The following FXR1 variants were observed in gnomAD, a reference collection of about 807,000 sequenced individuals.
FXR1 encodes RNA-binding protein FXR1.
Under a neutral mutation model 84.0 loss-of-function variants are expected in FXR1, and 15 were observed. The observed-to-expected ratio is 0.18, with a 90% CI of 0.12 to 0.27. FXR1 has a LOEUF of 0.27. Among genes scored for constraint, FXR1 ranks in the 10% least tolerant of loss-of-function variants. FXR1 has a pLI of 1.00. For synonymous variants in FXR1, 245 were observed against 250.7 expected, an observed-to-expected ratio of 0.98 and a Z score of 0.21; for missense variants, 480 against 774.4, an observed-to-expected ratio of 0.62 and a Z score of 4.51.
intron 1 of FXR1, among the ~76,000 whole-genome samples, chr3:180,925,217 C>T (rs1051387933): frequency 3.3e-5 from 5 of 151,854 alleles, no homozygotes; most frequent in African/African-American, 7.3e-5. Flanking sequence ...AAAAGTTAGC[C>T]GGGCATGGTG....
chr3:180,957,050 A>G (rs1722810538), intron 9 of FXR1, among the ~76,000 whole-genome samples: 2 of 152,212 alleles, frequency 1.3e-5, no homozygotes, highest in African/African-American at 4.8e-5. Flanking sequence ...GTTAATAGGT[A>G]CACAACTCAG....
intron 1 of FXR1, chr3:180,914,742 C>T (rs1413950019): frequency 2.9e-5 from 25 of 876,056 alleles, no homozygotes; most frequent in Admixed American, 6.2e-5. Flanking sequence ...CTGCTTGTTT[C>T]TACTTAGACT....
intron 3 of FXR1, among the ~76,000 whole-genome samples, chr3:180,940,594 T>TTTTTTTTTTTTTTTTG (rs1175051981): frequency 6.6e-6 from 1 of 151,974 alleles, no homozygotes. Context: ...TCTTTTTTTT[T>TTTTTTTTTTTTTTTTG]TGGAGATGGA....
Position 180,937,938 on chromosome 3 carries a change from A to G in FXR1, c.198+2707A>G, listed in dbSNP as rs767681311. Among the ~76,000 whole-genome samples, 26 of 152,104 alleles carry G rather than the reference A, an allele frequency of 1.7e-4. 1 individual carries two copies. Among genetic ancestry groups the G allele is most frequent in the Admixed American group, 1.3e-4 (2 of 15,252 alleles). ...ATTTACCAGAGTTGATTCTCTTGTA[A>G]GTTTTTTATTTGCATGTATAAAGGA... On this transcript the variant is annotated intron_variant, in intron 3 of 16. Coordinates refer to ENST00000357559, the MANE Select transcript of FXR1 (RefSeq NM_005087.4).
At chr3:180,925,524 C>T (rs1300055400) in intron 1 of FXR1, among the ~76,000 whole-genome samples, 16 of 152,146 alleles carry the variant, frequency 1.1e-4, no homozygotes, top group African/African-American at 3.6e-4. Context: ...AGTGGTTCTT[C>T]GTTGGTTTGC....
intron 11 of FXR1, among the ~76,000 whole-genome samples, chr3:180,962,044 T>C (rs1712188461): frequency 1.3e-5 from 2 of 152,222 alleles, no homozygotes; most frequent in African/African-American, 4.8e-5. Flanking sequence ...GTTAACAAAA[T>C]AGTCTATTTG....
intron 13 of FXR1, 42 bp from the exon 14 acceptor site, chr3:180,968,009 T>C (rs201520958): frequency 2.3e-6 from 3 of 1,295,798 alleles, no homozygotes; most frequent in East Asian, 4.7e-5. Context: ...TAAAAGGCTT[T>C]TTATAGAAAT....
chr3:180,928,730 A>T (rs1005620501), intron 1 of FXR1, among the ~76,000 whole-genome samples: 5 of 151,954 alleles, frequency 3.3e-5, no homozygotes, highest in Non-Finnish European at 7.4e-5. Context: ...CCTGTTGTTT[A>T]CATGTAGAAG....
At chr3:180,940,618 C>T (rs1353972802) in intron 3 of FXR1, among the ~76,000 whole-genome samples, 3 of 144,320 alleles carry the variant, frequency 2.1e-5, no homozygotes, top group Non-Finnish European at 3.0e-5. Flanking sequence ...TCGGTCTTGT[C>T]CAGGCTCTAG....
At chr3:180,919,250 AAT>A (rs1452425409) in intron 1 of FXR1, among the ~76,000 whole-genome samples, 1 of 151,870 alleles carries the variant, frequency 6.6e-6, no homozygotes, top group African/African-American at 2.4e-5. Context: ...ATTAAAAAAA[AAT>A]GTGAAACACC....
intron 1 of FXR1, among the ~76,000 whole-genome samples, chr3:180,925,049 G>A (rs1458922606): frequency 6.6e-6 from 1 of 152,038 alleles, no homozygotes; most frequent in Non-Finnish European, 1.5e-5. Context: ...GGAGAGTATT[G>A]ATGTTGTAAA....
chr3:180,963,535 C>CT (rs532519500), intron 13 of FXR1, among the ~76,000 whole-genome samples: 59 of 152,188 alleles, frequency 3.9e-4, no homozygotes, highest in South Asian at 1.2e-3. Flanking sequence ...TATAGCAAGT[C>CT]TTTTTACTAG....
chr3:180,969,209 ATAGTTTTTATATTT>A (rs1223906275), intron 14 of FXR1, among the ~76,000 whole-genome samples: 2 of 152,218 alleles, frequency 1.3e-5, no homozygotes, highest in Non-Finnish European at 2.9e-5. Context: ...TTTCAGGGTA[ATAGTTTTTATATTT>A]TAGTACACTT....
intron 1 of FXR1, among the ~76,000 whole-genome samples, chr3:180,924,484 C>T (rs1718939755): frequency 6.6e-6 from 1 of 152,174 alleles, no homozygotes; most frequent in Admixed American, 6.5e-5. Context: ...ATGGATCATG[C>T]TGTGTAGGGT....
In FXR1 at chr3:180,915,466, G is replaced by A. The variant is rs905468525; in HGVS notation, c.51+2730G>A. 7.2e-6 allele frequency: 10 copies of A among 1,392,812 alleles called. No individual in the cohort carries two copies. In the African/African-American group the frequency reaches 8.5e-5, roughly 12 times the overall value. 86.3% of individuals were successfully genotyped at this position (1,392,812 alleles called of 1,614,324 possible). On this transcript the variant is annotated intron_variant, in intron 1 of 16. Transcript: ENST00000357559. ...GTTTTGAGTCCGGCTTCCATTTAGC[G>A]TAGAAGCAATTTAATTTTAATTAGT... is the stretch of plus-strand genomic sequence containing the variant.
intron 10 of FXR1, among the ~76,000 whole-genome samples, chr3:180,960,811 T>G (rs534636464): frequency 1.1e-3 from 167 of 152,348 alleles, no homozygotes; most frequent in African/African-American, 3.6e-3. Context: ...CTTGGAAAAT[T>G]AAATTAATTA....
intron 1 of FXR1, among the ~76,000 whole-genome samples, chr3:180,930,013 C>T (rs560796230): frequency 2.0e-3 from 299 of 152,358 alleles, no homozygotes; most frequent in African/African-American, 6.9e-3. Context: ...CGCCTGTAAT[C>T]CCAGCACTTT....
intron 15 of FXR1, among the ~76,000 whole-genome samples, chr3:180,972,959 TCTG>T (rs1437120109): frequency 6.6e-6 from 1 of 152,234 alleles, no homozygotes; most frequent in Non-Finnish European, 1.5e-5. Flanking sequence ...TTTGATCTCA[TCTG>T]CTCAAAATTT....
rs1714643909 is a variant in FXR1 at position 180,982,200 on chromosome 3, C to T, written c.*5908C>T. The T allele has an allele frequency of 6.6e-6, 1 of 152,046 alleles. No individual in the cohort carries two copies. The highest frequency in any genetic ancestry group is 2.1e-4 in the South Asian group (1 of 4,828). The allele number at this position is 152,046 out of a possible 1,614,324, so 9.4% of individuals were successfully genotyped here. The stretch of plus-strand genomic sequence containing the variant: ...AATGTACATCATAATAACTAGTCTA[C>T]TGAGATAAGGGAAGAATACTTAGCA... On this transcript the variant is annotated 3_prime_UTR_variant, in exon 17 of 17. Transcript: ENST00000357559.
Sources: allele counts gnomAD v4.1 joint callset (sites outside exome capture counted in the v4.1 genomes callset), GRCh38; gene constraint gnomAD v4.1.1; transcripts MANE v1.5; gene names NCBI Gene and HGNC (gene_info 2026-07-23, HGNC 2026-07-21).